RALGPS1: variants seen among roughly 807,000 people sequenced by gnomAD.
RALGPS1 encodes ras-specific guanine nucleotide-releasing factor RalGPS1.
Under a neutral mutation model 78.8 loss-of-function variants are expected in RALGPS1, and 19 were observed. That is an observed-to-expected ratio of 0.24 (90% CI 0.17 to 0.35). The LOEUF (loss-of-function observed/expected upper bound fraction) is 0.35, where lower values mean the gene tolerates loss of function less well. Among genes scored for constraint, RALGPS1 ranks in the 10% least tolerant of loss-of-function variants. The pLI, the probability that RALGPS1 is intolerant of heterozygous loss-of-function variation, is 1.00. For synonymous variants in RALGPS1, 228 were observed against 256.3 expected, an observed-to-expected ratio of 0.89 and a Z score of 1.06; for missense variants, 454 against 688.3, an observed-to-expected ratio of 0.66 and a Z score of 3.81.
intron 1 of RALGPS1, among the ~76,000 whole-genome samples, chr9:126,955,147 T>C (rs1188967076): frequency 2.0e-5 from 3 of 152,240 alleles, no homozygotes; most frequent in Non-Finnish European, 4.4e-5. Context: ...CCCTATTTCA[T>C]TTCTTTAAGG....
chr9:127,198,958 G>C, intron 13 of RALGPS1, 57 bp from the exon 14 acceptor site: 1 of 1,521,698 alleles, frequency 6.6e-7, no homozygotes, highest in Non-Finnish European at 9.1e-7. Flanking sequence ...TGACCCAGGA[G>C]AACAGGCCCC....
Position 126,982,474 on chromosome 9 carries a change from G to A in RALGPS1, c.216+4729G>A, listed in dbSNP as rs184819865. ...AATGAAATGAGATAATGCATATAGA[G>A]TACTTAGCACAGAGGCTGGAACCTA... On this transcript the variant is annotated intron_variant, in intron 4 of 18. Coordinates refer to ENST00000259351, the MANE Select transcript of RALGPS1 (RefSeq NM_014636.3). Among the ~76,000 whole-genome samples the A allele has an allele frequency of 1.0e-3, 152 of 152,326 alleles. 1 individual carries two copies. The highest frequency in any genetic ancestry group is 3.5e-3 in the African/African-American group (146 of 41,562).
intron 8 of RALGPS1, among the ~76,000 whole-genome samples, chr9:127,160,970 C>G (rs1166077918): frequency 6.6e-6 from 1 of 152,236 alleles, no homozygotes; most frequent in Non-Finnish European, 1.5e-5. Flanking sequence ...TTGTTTCCCC[C>G]AACAGGTCTG....
chr9:127,133,044 C>T lies in RALGPS1; in HGVS notation c.611-33025C>T, dbSNP rs538480081. On this transcript the variant is annotated intron_variant, in intron 8 of 18. Transcript: ENST00000259351. ...CAAAGCAGGGATGAAAAAGCACCTACTTCATAGAGTTCTCGTGACCATTGA... is the reference window on the plus strand; with the variant it reads ...CAAAGCAGGGATGAAAAAGCACCTATTTCATAGAGTTCTCGTGACCATTGA... Among the ~76,000 whole-genome samples, 6 of 152,372 alleles carry T rather than the reference C, an allele frequency of 3.9e-5. No individual in the cohort carries two copies. The South Asian group carries it at 1.2e-3, about 32-fold the overall frequency.
chr9:126,933,684 AC>A (rs1355433805), intron 1 of RALGPS1, among the ~76,000 whole-genome samples: 2 of 152,064 alleles, frequency 1.3e-5, no homozygotes, highest in Non-Finnish European at 2.9e-5. Context: ...CCCCCTTGTA[AC>A]CTGCCCTGGT....
At position 127,126,056 on chromosome 9, in the gene RALGPS1, G is replaced by A. The variant is rs373509425; in HGVS notation, c.611-40013G>A. On this transcript the variant is annotated intron_variant, in intron 8 of 18. Transcript: ENST00000259351. The stretch of plus-strand genomic sequence containing the variant: ...CTTAGAGGGGTGTACTTGGGAGGGG[G>A]CAGTTTTGCTGTATCTTGCATTCTC... Among the ~76,000 whole-genome samples the A allele has an allele frequency of 5.3e-5, 8 of 152,012 alleles. No individual in the cohort carries two copies. In the East Asian group the frequency reaches 1.4e-3, roughly 26 times the overall value.
At chr9:127,182,865 C>A (rs1399221417) in intron 11 of RALGPS1, among the ~76,000 whole-genome samples, 1 of 152,102 alleles carries the variant, frequency 6.6e-6, no homozygotes, top group Admixed American at 6.5e-5. Flanking sequence ...TAAATAAATA[C>A]CTGAGGCTGA....
rs897217432 is a variant in RALGPS1 at position 127,216,865 on chromosome 9, C to T, written c.1645-1875C>T. On this transcript the variant is annotated intron_variant, in intron 18 of 18. Coordinates refer to ENST00000259351, the MANE Select transcript of RALGPS1 (RefSeq NM_014636.3). ...CCTCAGTAGCTCTGAGGGCCGCTCT[C>T]TTAAGAGCATAGCACACTGAAGCTC... 11 of 1,493,480 alleles carry T rather than the reference C, an allele frequency of 7.4e-6. No homozygotes were observed. The Admixed American group carries it at 1.4e-4, about 19-fold the overall frequency. 92.5% of individuals were successfully genotyped at this position (1,493,480 alleles called of 1,614,324 possible). A position where few individuals can be genotyped will look rare whatever the true frequency, so the allele number is the denominator to read the frequency against.
chr9:127,127,907 G>A (rs1371708220), intron 8 of RALGPS1, among the ~76,000 whole-genome samples: 1 of 152,114 alleles, frequency 6.6e-6, no homozygotes, highest in African/African-American at 2.4e-5. Flanking sequence ...TTAAGTTCTG[G>A]GGTATATGTG....
At chr9:127,217,637 C>A in intron 18 of RALGPS1, 1 of 162,994 alleles carries the variant, frequency 6.1e-6, no homozygotes, top group Non-Finnish European at 1.3e-5. Flanking sequence ...AATGCTGTCC[C>A]TCACCATGGC....
chr9:127,209,195 G>C (rs573865106), intron 14 of RALGPS1, among the ~76,000 whole-genome samples: 1 of 152,324 alleles, frequency 6.6e-6, no homozygotes, highest in South Asian at 2.1e-4. Context: ...AGAAAGCCCC[G>C]GGGCTGGAAG....
At chr9:127,054,511 A>G (rs1186959601) in intron 7 of RALGPS1, among the ~76,000 whole-genome samples, 1 of 152,162 alleles carries the variant, frequency 6.6e-6, no homozygotes, top group Non-Finnish European at 1.5e-5. Context: ...ACTCAGTGAT[A>G]GGGCCAGGCC....
chr9:127,196,972 G>A (rs1457513569), intron 13 of RALGPS1, among the ~76,000 whole-genome samples: 2 of 152,182 alleles, frequency 1.3e-5, no homozygotes, highest in African/African-American at 4.8e-5. Flanking sequence ...TCAGGCTTCT[G>A]TCCCTGGGGG....
At position 127,069,400 on chromosome 9, in the gene RALGPS1, G is replaced by A. The variant is rs117710903; in HGVS notation, c.610+44G>A. On this transcript the variant is annotated intron_variant, in intron 8 of 18. Transcript: ENST00000259351. ...TTATTTTTTTTTAAGAAACCTACTC[G>A]GTGCCAAATAAGATGTTTTTACAGT... 2.2e-4 allele frequency: 345 copies of A among 1,597,868 alleles called. 4 individuals carry two copies. In the East Asian group the frequency reaches 7.0e-3, roughly 32 times the overall value.
intron 4 of RALGPS1, among the ~76,000 whole-genome samples, chr9:126,982,093 G>A (rs1278360062): frequency 6.6e-6 from 1 of 152,214 alleles, no homozygotes; most frequent in Non-Finnish European, 1.5e-5. Flanking sequence ...AGTGACCCAA[G>A]AGAACAAGAC....
chr9:126,982,161 A>G (rs1298198095), intron 4 of RALGPS1, among the ~76,000 whole-genome samples: 2 of 152,242 alleles, frequency 1.3e-5, no homozygotes, highest in Non-Finnish European at 2.9e-5. Flanking sequence ...TCATTTGCAC[A>G]GTATCCTATT....
chr9:126,954,168 G>A (rs771264618), intron 1 of RALGPS1, among the ~76,000 whole-genome samples: 1 of 152,178 alleles, frequency 6.6e-6, no homozygotes, highest in Non-Finnish European at 1.5e-5. Flanking sequence ...TAGTGGGTGG[G>A]TGTTGAATAA....
chr9:127,178,280 T>C, intron 11 of RALGPS1: 1 of 348,082 alleles, frequency 2.9e-6, no homozygotes, highest in South Asian at 3.0e-5. Context: ...GTCCAGGAGA[T>C]GCATCTCAGG....
At chr9:126,992,156 C>T (rs1382228961) in intron 4 of RALGPS1, among the ~76,000 whole-genome samples, 1 of 152,210 alleles carries the variant, frequency 6.6e-6, no homozygotes, top group Non-Finnish European at 1.5e-5. Flanking sequence ...GGTCAAGTCA[C>T]TTAGCCTCTC....
Sources: gnomAD v4.1 joint callset for allele counts (sites outside exome capture counted in the v4.1 genomes callset) on GRCh38, gnomAD v4.1.1 for gene constraint, MANE v1.5 for transcripts, NCBI Gene and HGNC (gene_info 2026-07-23, HGNC 2026-07-21) for gene names.